The following UBE2F variants were observed in gnomAD, a reference collection of about 807,000 sequenced individuals.
The protein encoded by UBE2F is ubiquitin conjugating enzyme E2 F (putative).
A neutral mutation model predicts 29.6 loss-of-function variants in UBE2F; 5 were observed. The observed-to-expected ratio is 0.17, with a 90% CI of 0.09 to 0.36. The LOEUF is 0.36. Among genes scored for constraint, UBE2F ranks in the 10% least tolerant of loss-of-function variants. The probability of loss-of-function intolerance (pLI) is 1.00; values close to 1 mark genes in which losing one functional copy is unlikely to be tolerated. For missense variants in UBE2F, 141 were observed against 228.5 expected, an observed-to-expected ratio of 0.62 and a Z score of 2.47; for synonymous variants, 66 against 81.8, an observed-to-expected ratio of 0.81 and a Z score of 1.04.
chr2:237,996,543 C>T (rs539157246), intron 4 of UBE2F, among the ~76,000 whole-genome samples: 1 of 150,954 alleles, frequency 6.6e-6, no homozygotes, highest in East Asian at 2.0e-4. Flanking sequence ...GACGCAATCT[C>T]GGGCTCACTG....
chr2:237,995,414 C>T (rs1342553371), intron 4 of UBE2F, among the ~76,000 whole-genome samples: 2 of 152,172 alleles, frequency 1.3e-5, no homozygotes, highest in Non-Finnish European at 2.9e-5. Context: ...TTTCTAGTTA[C>T]AATGCAGCTC....
At chr2:238,020,396 C>T (rs2064264663) in intron 5 of UBE2F, among the ~76,000 whole-genome samples, 1 of 152,186 alleles carries the variant, frequency 6.6e-6, no homozygotes. Context: ...ACTCTGAGGG[C>T]ACCAGGTGGG....
At chr2:237,980,353 A>C (rs544507965) in intron 2 of UBE2F, among the ~76,000 whole-genome samples, 1 of 152,342 alleles carries the variant, frequency 6.6e-6, no homozygotes, top group East Asian at 1.9e-4. Flanking sequence ...TGGAGGCTGG[A>C]AGGCCACCTT....
intron 5 of UBE2F, among the ~76,000 whole-genome samples, chr2:238,024,174 A>G (rs1260201025): frequency 6.6e-6 from 1 of 152,250 alleles, no homozygotes; most frequent in Non-Finnish European, 1.5e-5. Context: ...CAGGTGTCAC[A>G]TAATTTCTGG....
chr2:237,976,629 G>A (rs1040587772), intron 2 of UBE2F, among the ~76,000 whole-genome samples: 1 of 152,136 alleles, frequency 6.6e-6, no homozygotes, highest in Non-Finnish European at 1.5e-5. Context: ...GGCAAAAAGG[G>A]CCTAAGCTAG....
At position 238,016,620 on chromosome 2, in the gene UBE2F, C is replaced by T. The variant is rs1479057654; in HGVS notation, c.269C>T (p.Ala90Val). The change falls in exon 5 of 10, where the codon GCG (alanine) becomes GTG (valine). Residue 90 changes from alanine (A) to valine (V), a missense_variant. Transcript: ENST00000272930. ...KFQFETEVPDAYNMVPPKVKC... is the reference protein window; with the variant it reads ...KFQFETEVPDVYNMVPPKVKC... ...CAGTTTGAAACTGAAGTTCCCGATG[C>T]GTACAACATGGTGGTGAGTAGCCTG... 2.5e-6 allele frequency: 4 copies of T among 1,612,992 alleles called. No individual in the cohort carries two copies. The highest frequency in any genetic ancestry group is 2.2e-5 in the East Asian group (1 of 44,860).
rs376048372 is a variant in UBE2F at position 238,041,351 on chromosome 2, A to G, written c.*13A>G. 3.9e-5 allele frequency: 63 copies of G among 1,613,596 alleles called. No individual in the cohort carries two copies. Among genetic ancestry groups the G allele is most frequent in the Non-Finnish European group, 4.9e-5 (58 of 1,179,756 alleles). On this transcript the variant is annotated 3_prime_UTR_variant, in exon 10 of 10. Coordinates refer to ENST00000272930, the MANE Select transcript of UBE2F (RefSeq NM_080678.3). ...TTATGCCAGATGATAAAAGGGGACG[A>G]TTGCAGGCCCATGGACTGTGTTACA...
intron 1 of UBE2F, among the ~76,000 whole-genome samples, chr2:237,969,196 A>G (rs1235843766): frequency 6.6e-6 from 1 of 152,234 alleles, no homozygotes; most frequent in African/African-American, 2.4e-5. Context: ...TAAACCAGCA[A>G]TCTGACTCTT....
At chr2:238,005,922 A>G (rs762132247) in intron 4 of UBE2F, among the ~76,000 whole-genome samples, 1 of 152,198 alleles carries the variant, frequency 6.6e-6, no homozygotes, top group Non-Finnish European at 1.5e-5. Context: ...ACACTTTAGA[A>G]TCAGCCTGTG....
intron 1 of UBE2F, among the ~76,000 whole-genome samples, chr2:237,969,329 G>T (rs1420877050): frequency 6.6e-6 from 1 of 152,086 alleles, no homozygotes. Context: ...GTTTCTTGGT[G>T]GTTGGCCTTT....
intron 4 of UBE2F, among the ~76,000 whole-genome samples, chr2:237,997,470 T>C (rs1390164346): frequency 3.9e-5 from 6 of 152,184 alleles, no homozygotes; most frequent in Non-Finnish European, 1.5e-5. Flanking sequence ...AAAAACTTGC[T>C]TCATATCATG....
chr2:237,972,078 G>A (rs563180331), intron 1 of UBE2F, among the ~76,000 whole-genome samples: 2 of 152,302 alleles, frequency 1.3e-5, no homozygotes, highest in Admixed American at 1.3e-4. Context: ...ACACAGATGG[G>A]GTGGAAGCCA....
chr2:238,006,680 T>C (rs2063913564), intron 4 of UBE2F, among the ~76,000 whole-genome samples: 1 of 152,204 alleles, frequency 6.6e-6, no homozygotes, highest in Non-Finnish European at 1.5e-5. Flanking sequence ...TGCTTTACTT[T>C]GTTGTCTAAG....
chr2:237,992,226 A>G (rs576648929), intron 3 of UBE2F, among the ~76,000 whole-genome samples: 3 of 152,330 alleles, frequency 2.0e-5, no homozygotes, highest in East Asian at 1.9e-4. Flanking sequence ...GCATCTGTCT[A>G]TTAAAACAAA....
At chr2:238,031,479 C>T (rs10929263) in intron 7 of UBE2F, among the ~76,000 whole-genome samples, 10,665 of 152,186 alleles carry the variant, frequency 0.07, 403 homozygotes, top group African/African-American at 0.11. Flanking sequence ...TGGCTCACAT[C>T]GGAAGGTCAG....
At chr2:237,971,052 T>G (rs1037096857) in intron 1 of UBE2F, among the ~76,000 whole-genome samples, 3 of 152,230 alleles carry the variant, frequency 2.0e-5, no homozygotes, top group African/African-American at 7.2e-5. Flanking sequence ...AAATAAAATC[T>G]GACAGCATTT....
At chr2:238,024,230 G>A (rs1395333328) in intron 5 of UBE2F, among the ~76,000 whole-genome samples, 1 of 152,112 alleles carries the variant, frequency 6.6e-6, no homozygotes, top group Non-Finnish European at 1.5e-5. Flanking sequence ...AAAAACAAAA[G>A]TGAAAGACAG....
Position 237,967,083 on chromosome 2 carries a change from G to A in UBE2F, c.-66G>A. 1.5e-6 allele frequency: 2 copies of A among 1,343,708 alleles called. No individual in the cohort carries two copies. Among genetic ancestry groups the A allele is most frequent in the Non-Finnish European group, 1.9e-6 (2 of 1,045,322 alleles). 83.2% of individuals were successfully genotyped at this position (1,343,708 alleles called of 1,614,324 possible). A position where few individuals can be genotyped will look rare whatever the true frequency, so the allele number is the denominator to read the frequency against. On this transcript the variant is annotated 5_prime_UTR_variant, in exon 1 of 10. Transcript: ENST00000272930. This position sits in a 1 kb window ranked among gnomAD's most constrained non-coding sequence, Gnocchi z 6.3. ...GCGTCTCGCAGCAGCCGCCCGGACC[G>A]GGCATGGTGTTGGGCGCCGGGCCCG...
chr2:238,019,887 T>C (rs1341901105), intron 5 of UBE2F, among the ~76,000 whole-genome samples: 1 of 151,888 alleles, frequency 6.6e-6, no homozygotes, highest in Non-Finnish European at 1.5e-5. Context: ...CTCGAACTCC[T>C]GACCTCAGGT....
Sources: gnomAD v4.1 joint callset for allele counts (sites outside exome capture counted in the v4.1 genomes callset) on GRCh38, gnomAD v4.1.1 for gene constraint, Gnocchi (gnomAD v3.1) non-coding constraint, MANE v1.5 for transcripts, NCBI Gene and HGNC (gene_info 2026-07-23, HGNC 2026-07-21) for gene names.